ARB2A: variants seen among roughly 807,000 people sequenced by gnomAD.
The protein encoded by ARB2A is cotranscriptional regulator ARB2A.
chr5:93,790,903 G>A, the ARB2A span, among the ~76,000 whole-genome samples: 17 of 152,266 alleles, frequency 1.1e-4, no homozygotes, highest in African/African-American at 4.1e-4. Flanking sequence ...ACCCAAATGA[G>A]AATAATACCA....
At chr5:93,793,588 T>C in the ARB2A span, among the ~76,000 whole-genome samples, 15 of 152,078 alleles carry the variant, frequency 9.9e-5, no homozygotes, top group Non-Finnish European at 2.1e-4. Context: ...CAAAAATTAT[T>C]TGTGGACTGA....
At chr5:93,656,077 G>C in the ARB2A span, among the ~76,000 whole-genome samples, 1 of 152,162 alleles carries the variant, frequency 6.6e-6, no homozygotes, top group African/African-American at 2.4e-5. Context: ...GCCTCACACA[G>C]AGAGGCATGC....
the ARB2A span, among the ~76,000 whole-genome samples, chr5:93,709,951 CAT>C: frequency 6.6e-6 from 1 of 152,166 alleles, no homozygotes; most frequent in African/African-American, 2.4e-5. Context: ...TGAGTTAATG[CAT>C]ATAAGTGCTT....
At chr5:94,079,583 T>C in the ARB2A span, among the ~76,000 whole-genome samples, 1 of 152,212 alleles carries the variant, frequency 6.6e-6, no homozygotes, top group Non-Finnish European at 1.5e-5. Flanking sequence ...AGAAAAATAA[T>C]TTCAGTTTCT....
the ARB2A span, among the ~76,000 whole-genome samples, chr5:94,039,244 A>C: frequency 0.01 from 1,573 of 152,300 alleles, 15 homozygotes; most frequent in Non-Finnish European, 0.013. Context: ...GGTGGGTAAA[A>C]TGAGGCTTAG....
chr5:93,672,313 A>T, the ARB2A span, among the ~76,000 whole-genome samples: 2 of 150,434 alleles, frequency 1.3e-5, no homozygotes. Context: ...TGCATCACTA[A>T]TGTTCTTTTT....
chr5:93,658,907 T>C, the ARB2A span, among the ~76,000 whole-genome samples: 1 of 137,978 alleles, frequency 7.2e-6, no homozygotes, highest in Non-Finnish European at 1.5e-5. Flanking sequence ...TCTTGTTTCC[T>C]GTAGGGTGAC....
At chr5:93,640,574 A>ATGTG in the ARB2A span, among the ~76,000 whole-genome samples, 187 of 143,620 alleles carry the variant, frequency 1.3e-3, 1 homozygote, top group East Asian at 8.5e-3. Flanking sequence ...GTGTGTGTGT[A>ATGTG]TGTGTGTGTG....
the ARB2A span, chr5:93,740,744 G>C: frequency 6.2e-7 from 1 of 1,612,624 alleles, no homozygotes; most frequent in Non-Finnish European, 8.5e-7. Flanking sequence ...ATCTCCCGTG[G>C]GGAAGCATCA....
the ARB2A span, among the ~76,000 whole-genome samples, chr5:93,694,438 A>G: frequency 6.6e-6 from 1 of 152,328 alleles, no homozygotes; most frequent in Admixed American, 6.5e-5. Flanking sequence ...CCCATTCACA[A>G]TTGCAACTAA....
chr5:93,720,057 G>T, the ARB2A span, among the ~76,000 whole-genome samples: 1 of 152,144 alleles, frequency 6.6e-6, no homozygotes, highest in East Asian at 1.9e-4. Context: ...ACCCGTTTAT[G>T]AATTCTTTGT....
chr5:93,870,638 G>A, the ARB2A span, among the ~76,000 whole-genome samples: 8 of 152,124 alleles, frequency 5.3e-5, no homozygotes, highest in Admixed American at 1.3e-4. Flanking sequence ...CATTAAAAAC[G>A]CAATGAAGAA....
chr5:93,915,820 T>C, the ARB2A span, among the ~76,000 whole-genome samples: 1 of 152,040 alleles, frequency 6.6e-6, no homozygotes, highest in Non-Finnish European at 1.5e-5. Flanking sequence ...AGAAAGATAC[T>C]TCATGTTGGG....
chr5:94,031,369 T>C, the ARB2A span, among the ~76,000 whole-genome samples: 12,741 of 152,230 alleles, frequency 0.084, 744 homozygotes, highest in Middle Eastern at 0.16. Flanking sequence ...ACTGAAGTAA[T>C]GGTCATGCTT....
At chr5:93,756,816 G>A in the ARB2A span, among the ~76,000 whole-genome samples, 48 of 151,996 alleles carry the variant, frequency 3.2e-4, no homozygotes, top group East Asian at 9.7e-4. Flanking sequence ...AACAAGGCTC[G>A]TCAACACCCC....
the ARB2A span, among the ~76,000 whole-genome samples, chr5:94,035,214 T>TATACATATACAC: frequency 6.7e-6 from 1 of 149,226 alleles, no homozygotes; most frequent in Non-Finnish European, 1.5e-5. Context: ...TACATATACA[T>TATACATATACAC]ATACATATAC....
chr5:93,834,736 C>T, the ARB2A span, among the ~76,000 whole-genome samples: 3 of 152,226 alleles, frequency 2.0e-5, no homozygotes, highest in Middle Eastern at 3.4e-3. Context: ...TGTGATGATG[C>T]TATTCCAACG....
chr5:94,085,108 A>T, the ARB2A span, among the ~76,000 whole-genome samples: 2 of 152,202 alleles, frequency 1.3e-5, no homozygotes, highest in African/African-American at 4.8e-5. Context: ...AAAAACTAGC[A>T]TGAGATATCC....
the ARB2A span, among the ~76,000 whole-genome samples, chr5:94,000,907 T>C: frequency 3.3e-5 from 5 of 152,106 alleles, 1 homozygote; most frequent in African/African-American, 9.7e-5. Context: ...TAAAAGAGTA[T>C]CCCTGCTCCA....
Sources: allele counts gnomAD v4.1 joint callset (sites outside exome capture counted in the v4.1 genomes callset), GRCh38; gene constraint gnomAD v4.1.1; transcripts MANE v1.5; gene names NCBI Gene and HGNC (gene_info 2026-07-23, HGNC 2026-07-21).